Variants in XPR1 observed in about 807,000 individuals in gnomAD.
XPR1 encodes the protein solute carrier family 53 member 1.
Under a neutral mutation model 87.5 loss-of-function variants are expected in XPR1, and 28 were observed. The observed-to-expected ratio is 0.32, with a 90% CI of 0.24 to 0.44. XPR1 has a LOEUF of 0.44. Among genes scored for constraint, XPR1 ranks in the 20% least tolerant of loss-of-function variants. XPR1 has a pLI of 1.00. For missense variants in XPR1, 559 were observed against 862.3 expected, an observed-to-expected ratio of 0.65 and a Z score of 4.41; for synonymous variants, 300 against 306.1, an observed-to-expected ratio of 0.98 and a Z score of 0.21.
chr1:180,836,814 T>C, intron 11 of XPR1, 98 bp downstream of exon 11: 1 of 1,383,048 alleles, frequency 7.2e-7, no homozygotes, highest in African/African-American at 1.4e-5. Context: ...TGTCATGCTC[T>C]TTTTTTTCCA....
intron 1 of XPR1, among the ~76,000 whole-genome samples, chr1:180,661,868 C>CT (rs1017922245): frequency 8.5e-5 from 13 of 152,132 alleles, no homozygotes; most frequent in Non-Finnish European, 1.6e-4. Flanking sequence ...GAATGAGACT[C>CT]TGTCTCAAAA....
At chr1:180,649,263 A>C (rs1227054713) in intron 1 of XPR1, among the ~76,000 whole-genome samples, 2 of 148,546 alleles carry the variant, frequency 1.3e-5, no homozygotes, top group African/African-American at 2.6e-5. Flanking sequence ...ATCTCTACTA[A>C]AAATACAAAA....
chr1:180,713,909 ATTCTT>A (rs772783040), intron 2 of XPR1, among the ~76,000 whole-genome samples: 1 of 152,082 alleles, frequency 6.6e-6, no homozygotes, highest in Non-Finnish European at 1.5e-5. Flanking sequence ...AAAAGAAAGA[ATTCTT>A]TTCATTAGTG....
chr1:180,657,789 T>G (rs1655587410), intron 1 of XPR1, among the ~76,000 whole-genome samples: 1 of 152,222 alleles, frequency 6.6e-6, no homozygotes, highest in South Asian at 2.1e-4. Flanking sequence ...TGGTTTCATA[T>G]AAATTTTAGG....
chr1:180,713,904 A>G (rs576285410), intron 2 of XPR1, among the ~76,000 whole-genome samples: 94 of 152,224 alleles, frequency 6.2e-4, no homozygotes, highest in African/African-American at 2.1e-3. Flanking sequence ...TAATGAAAAG[A>G]AAGAATTCTT....
At chr1:180,776,755 A>G (rs991153424) in intron 2 of XPR1, among the ~76,000 whole-genome samples, 1 of 152,104 alleles carries the variant, frequency 6.6e-6, no homozygotes, top group Non-Finnish European at 1.5e-5. Context: ...CCTAGCAGAC[A>G]TTAGGTAAAT....
intron 2 of XPR1, among the ~76,000 whole-genome samples, chr1:180,739,222 GT>G (rs557205749): frequency 8.3e-4 from 126 of 152,186 alleles, no homozygotes; most frequent in Non-Finnish European, 1.5e-3. Context: ...TGTCTATTCT[GT>G]TTCATTAGTT....
In XPR1 at chr1:180,863,855, A is replaced by G; in HGVS notation, c.1649A>G (p.Glu550Gly). The G allele has an allele frequency of 6.2e-7, 1 of 1,601,668 alleles. No homozygotes were observed. Among genetic ancestry groups the G allele is most frequent in the Non-Finnish European group, 8.5e-7 (1 of 1,176,102 alleles). ...NAGENTFLRE[E>G]IVYPQKAYYY... Reference sequence around the variant, plus strand: ...GGAGAGAACACTTTCCTCCGGGAAGAGATTGTATACCCCCAAAAAGTATGT... The same window carrying G: ...GGAGAGAACACTTTCCTCCGGGAAGGGATTGTATACCCCCAAAAAGTATGT... Residue 550 changes from glutamate (E) to glycine (G), a missense_variant, in exon 12 of 15, where the codon GAG becomes GGG. Coordinates refer to ENST00000367590, the MANE Select transcript of XPR1 (RefSeq NM_004736.4).
chr1:180,787,574 C>G (rs1262720891), intron 2 of XPR1, among the ~76,000 whole-genome samples, 179 bp from the exon 3 acceptor site: 1 of 152,204 alleles, frequency 6.6e-6, no homozygotes, highest in African/African-American at 2.4e-5. Context: ...CCATCGCACT[C>G]GGCCTGAAAA....
At chr1:180,695,965 A>G (rs1657150304) in intron 2 of XPR1, among the ~76,000 whole-genome samples, 1 of 151,500 alleles carries the variant, frequency 6.6e-6, no homozygotes, top group South Asian at 2.1e-4. Flanking sequence ...TATTTCTGTG[A>G]AGAATATCAT....
rs747185314 is a variant in XPR1, at chr1:180,714,178, C to CTA, written c.121+31770_121+31771dup. ...ATTATCCTTTACATAGTGATAGAAG[C>CTA]TATAGCCTTGTCAACTCTCACATTC... On this transcript the variant is annotated intron_variant, in intron 2 of 14. Coordinates refer to ENST00000367590, the MANE Select transcript of XPR1 (RefSeq NM_004736.4). Among the ~76,000 whole-genome samples, 44 of 152,252 alleles carry CTA rather than the reference C, an allele frequency of 2.9e-4. 7 individuals are homozygous for CTA. Among genetic ancestry groups the CTA allele is most frequent in the Admixed American group, 1.9e-3 (29 of 15,292 alleles).
At chr1:180,679,371 TGTTATCTAACGGGTCTCTAGATGCC>T (rs1656482561) in intron 1 of XPR1, among the ~76,000 whole-genome samples, 2 of 152,202 alleles carry the variant, frequency 1.3e-5, no homozygotes, top group Admixed American at 1.3e-4. Context: ...GGATTGATAC[TGTTATCTAACGGGTCTCTAGATGCC>T]GGGAATGCTG....
At chr1:180,800,118 C>A (rs775163727) in intron 3 of XPR1, among the ~76,000 whole-genome samples, 28 of 152,174 alleles carry the variant, frequency 1.8e-4, no homozygotes, top group Non-Finnish European at 3.5e-4. Flanking sequence ...AGAGAGTCTA[C>A]CAGTGGCCTA....
chr1:180,824,809 G>T lies in XPR1; in HGVS notation c.820G>T (p.Gly274Cys). 6.2e-7 allele frequency: 1 copy of T among 1,613,992 alleles called. No individual in the cohort carries two copies. The highest frequency in any genetic ancestry group is 8.5e-7 in the Non-Finnish European group (1 of 1,179,958). ...SIWPLIRIYR[G>C]GFLLIEFLFL... ...ATGGCCCTTGATAAGAATCTATCGGGGTGGCTTTCTTCTGATTGAATTCCT... is the reference window on the plus strand; with the variant it reads ...ATGGCCCTTGATAAGAATCTATCGGTGTGGCTTTCTTCTGATTGAATTCCT... The change falls in exon 8 of 15, where the codon GGT becomes TGT. Residue 274 changes from glycine to cysteine, a missense_variant. This residue lies in a region of XPR1 where 39 missense variants were observed against 38.5 expected (regional missense o/e 1.01). Coordinates refer to ENST00000367590, the MANE Select transcript of XPR1 (RefSeq NM_004736.4).
At chr1:180,874,321 A>C (rs151241358) in intron 13 of XPR1, among the ~76,000 whole-genome samples, 14 of 152,234 alleles carry the variant, frequency 9.2e-5, no homozygotes, top group African/African-American at 3.4e-4. Flanking sequence ...GAAATCAATC[A>C]TTTTTTGCAA....
chr1:180,823,717 T>C (rs1430681232), intron 7 of XPR1, among the ~76,000 whole-genome samples: 1 of 152,180 alleles, frequency 6.6e-6, no homozygotes, highest in East Asian at 1.9e-4. Context: ...TAATGGGCAA[T>C]AGAATGTAGT....
intron 2 of XPR1, among the ~76,000 whole-genome samples, chr1:180,683,984 A>G (rs1024855390): frequency 1.1e-4 from 17 of 151,982 alleles, no homozygotes; most frequent in African/African-American, 3.9e-4. Context: ...CCATTTGTCA[A>G]TTTTGGCTTT....
At chr1:180,641,653 A>G (rs950673925) in intron 1 of XPR1, among the ~76,000 whole-genome samples, 8 of 152,092 alleles carry the variant, frequency 5.3e-5, no homozygotes, top group Non-Finnish European at 1.0e-4. Flanking sequence ...TTGAGTTTTT[A>G]GTGGGTATCT....
intron 2 of XPR1, among the ~76,000 whole-genome samples, chr1:180,721,497 A>G (rs1230228251): frequency 2.0e-5 from 3 of 152,158 alleles, no homozygotes; most frequent in African/African-American, 7.2e-5. Context: ...CCTGCCTTGG[A>G]TTTGAGCCAG....
Sources: gnomAD v4.1 joint callset for allele counts (sites outside exome capture counted in the v4.1 genomes callset) on GRCh38, gnomAD v4.1.1 for gene constraint, gnomAD v4.1.1 regional missense constraint, MANE v1.5 for transcripts, NCBI Gene and HGNC (gene_info 2026-07-23, HGNC 2026-07-21) for gene names.